The following SCAPER variants were observed in gnomAD, a reference collection of about 807,000 sequenced individuals.
SCAPER encodes the protein S phase cyclin A-associated protein in the endoplasmic reticulum.
Under a neutral mutation model 182.2 loss-of-function variants are expected in SCAPER, and 98 were observed. That is an observed-to-expected ratio of 0.54 (90% CI 0.46 to 0.64). SCAPER has a LOEUF of 0.64. SCAPER is among the 30% of genes least tolerant of loss of function. The pLI, the probability that SCAPER is intolerant of heterozygous loss-of-function variation, is 0.00. For synonymous variants in SCAPER, 605 were observed against 564.6 expected (o/e 1.07, Z -1.01); for missense variants, 1,432 against 1,690.0 (o/e 0.85, Z 2.68).
chr15:76,416,492 A>G (rs200367141), intron 26 of SCAPER, among the ~76,000 whole-genome samples: 1 of 380 alleles, frequency 2.6e-3, no homozygotes, highest in African/African-American at 2.7e-3. Flanking sequence ...CCATCTCAAG[A>G]AAAAAAAAAA....
At chr15:76,713,092 T>C (rs1319584761) in intron 17 of SCAPER, among the ~76,000 whole-genome samples, 1 of 152,104 alleles carries the variant, frequency 6.6e-6, no homozygotes, top group Admixed American at 6.5e-5. Context: ...AGATAGCTCT[T>C]ATTATTTTGA....
intron 20 of SCAPER, among the ~76,000 whole-genome samples, chr15:76,683,802 G>T (rs2057874536): frequency 6.6e-6 from 1 of 151,910 alleles, no homozygotes; most frequent in East Asian, 1.9e-4. Flanking sequence ...TTCCAACCAA[G>T]AATTTCATAT....
chr15:76,657,588 C>CAAAAAAAAAAAAAA (rs35243291), intron 21 of SCAPER, among the ~76,000 whole-genome samples: 3 of 129,842 alleles, frequency 2.3e-5, no homozygotes, highest in Non-Finnish European at 3.2e-5. Context: ...GACACAACAA[C>CAAAAAAAAAAAAAA]AAAAAAAAAA....
intron 29 of SCAPER, among the ~76,000 whole-genome samples, chr15:76,371,636 C>T (rs887826367): frequency 6.0e-5 from 9 of 149,858 alleles, no homozygotes; most frequent in African/African-American, 1.7e-4. Context: ...TTCTAACATA[C>T]GGCCGGGTGT....
At chr15:76,611,418 C>A (rs977987770) in intron 22 of SCAPER, among the ~76,000 whole-genome samples, 2 of 152,004 alleles carry the variant, frequency 1.3e-5, no homozygotes, top group Non-Finnish European at 2.9e-5. Context: ...ATAATGAGTT[C>A]TGAAATTGAG....
At chr15:76,873,957 C>T (rs547059060) in intron 2 of SCAPER, among the ~76,000 whole-genome samples, 1 of 151,898 alleles carries the variant, frequency 6.6e-6, no homozygotes, top group African/African-American at 2.4e-5. Flanking sequence ...GCAGTAGTGC[C>T]ATCTTGACTC....
At chr15:76,559,610 G>A (rs941754093) in intron 23 of SCAPER, among the ~76,000 whole-genome samples, 19 of 152,138 alleles carry the variant, frequency 1.2e-4, no homozygotes, top group African/African-American at 4.6e-4. Flanking sequence ...GATGGAACTG[G>A]AGGCCATTAT....
At chr15:76,357,150 T>TCTCACACACA in intron 29 of SCAPER, among the ~76,000 whole-genome samples, 1 of 128,954 alleles carries the variant, frequency 7.8e-6, no homozygotes, top group East Asian at 2.4e-4. Context: ...TTTATTGACA[T>TCTCACACACA]CACACACACA....
intron 21 of SCAPER, among the ~76,000 whole-genome samples, chr15:76,659,474 T>C (rs934573331): frequency 6.6e-6 from 1 of 152,190 alleles, no homozygotes; most frequent in African/African-American, 2.4e-5. Context: ...CTTGCTATAT[T>C]GTCCAGGCTG....
At chr15:76,843,515 C>A (rs1000133137) in intron 4 of SCAPER, among the ~76,000 whole-genome samples, 5 of 152,102 alleles carry the variant, frequency 3.3e-5, no homozygotes, top group Admixed American at 3.3e-4. Flanking sequence ...TGACATGCAT[C>A]TAGCAAACAG....
intron 23 of SCAPER, among the ~76,000 whole-genome samples, chr15:76,516,527 TG>T (rs1198202133): frequency 1.3e-5 from 2 of 152,238 alleles, no homozygotes; most frequent in African/African-American, 4.8e-5. Context: ...TCCATGTCTC[TG>T]TAAAGGACAT....
In SCAPER at chr15:76,416,923, T is replaced by A. The variant is rs2045688281; in HGVS notation, c.3312-12244A>T. On this transcript the variant is annotated intron_variant, in intron 26 of 31. Coordinates refer to ENST00000563290, the MANE Select transcript of SCAPER (RefSeq NM_020843.4). ...TGAATTAAAAAAGTATATGATATGT[T>A]GGGTGTGGTGGCTTGCACCTGTAAT... is the stretch of plus-strand genomic sequence containing the variant. Among the ~76,000 whole-genome samples, 3 of 152,050 alleles carry A rather than the reference T, an allele frequency of 2.0e-5. No individual in the cohort carries two copies. In the South Asian group the frequency reaches 6.2e-4, roughly 32 times the overall value.
intron 18 of SCAPER, among the ~76,000 whole-genome samples, chr15:76,703,444 GC>G (rs1190398261): frequency 1.3e-5 from 2 of 152,148 alleles, no homozygotes; most frequent in African/African-American, 4.8e-5. Flanking sequence ...TACGGGTAAA[GC>G]ATATGCTTAT....
intron 5 of SCAPER, among the ~76,000 whole-genome samples, chr15:76,828,849 C>T (rs1452498718): frequency 6.6e-6 from 1 of 152,064 alleles, no homozygotes; most frequent in African/African-American, 2.4e-5. Flanking sequence ...ACAGGCAAAT[C>T]AAAACGATAA....
intron 8 of SCAPER, among the ~76,000 whole-genome samples, chr15:76,783,489 T>A (rs34215663): frequency 0.27 from 41,516 of 152,082 alleles, 6,449 homozygotes; most frequent in East Asian, 0.55. Context: ...TTTGAAACTA[T>A]TCCAATCAAT....
At chr15:76,739,424 T>C (rs1168201737) in intron 15 of SCAPER, among the ~76,000 whole-genome samples, 1 of 152,204 alleles carries the variant, frequency 6.6e-6, no homozygotes, top group East Asian at 1.9e-4. Context: ...ATTGCTAGCA[T>C]CACTCTTCTT....
intron 20 of SCAPER, among the ~76,000 whole-genome samples, chr15:76,689,980 C>T (rs1273234752): frequency 1.6e-5 from 2 of 128,938 alleles, no homozygotes; most frequent in African/African-American, 2.8e-5. Flanking sequence ...TATGGGCAAA[C>T]CTTCCTTACC....
At chr15:76,693,482 G>A (rs1244466527) in intron 20 of SCAPER, among the ~76,000 whole-genome samples, 1 of 151,980 alleles carries the variant, frequency 6.6e-6, no homozygotes, top group Admixed American at 6.6e-5. Flanking sequence ...CCACTTCTGG[G>A]TATATACTAA....
chr15:76,555,696 A>G (rs1338854066), intron 23 of SCAPER, among the ~76,000 whole-genome samples: 1 of 152,224 alleles, frequency 6.6e-6, no homozygotes, highest in African/African-American at 2.4e-5. Flanking sequence ...TAACTATCCT[A>G]AATATATATG....
Sources: gnomAD v4.1 joint callset for allele counts (sites outside exome capture counted in the v4.1 genomes callset) on GRCh38, gnomAD v4.1.1 for gene constraint, MANE v1.5 for transcripts, NCBI Gene and HGNC (gene_info 2026-07-23, HGNC 2026-07-21) for gene names.